The following IL23R variants were observed in gnomAD, a reference collection of about 807,000 sequenced individuals.
IL23R encodes the protein interleukin-23 receptor.
A neutral mutation model predicts 56.9 loss-of-function variants in IL23R; 34 were observed. That is an observed-to-expected ratio of 0.60 (90% confidence interval 0.45 to 0.80). The LOEUF is 0.80. Ranked by LOEUF, IL23R falls within the 30% of genes least tolerant of loss-of-function variation. The pLI is 0.00. For synonymous variants in IL23R, 230 were observed against 249.2 expected (o/e 0.92, Z 0.73); for missense variants, 635 against 730.0 (o/e 0.87, Z 1.50).
intron 4 of IL23R, among the ~76,000 whole-genome samples, chr1:67,188,276 G>A (rs915056075): frequency 6.6e-6 from 1 of 152,118 alleles, no homozygotes; most frequent in Non-Finnish European, 1.5e-5. Flanking sequence ...CCAAGTTCCA[G>A]GCAGGAAAAG....
chr1:67,259,194 T>C lies in IL23R; in HGVS notation c.*66T>C, dbSNP rs1653112340. ...ATCTGAACTTGGGTTTTCCCTGCAA[T>C]AGAAATTGAATTCTGCCTCTTTTTG... On this transcript the variant is annotated 3_prime_UTR_variant, in exon 11 of 11. Transcript: ENST00000347310. 2.7e-6 allele frequency: 4 copies of C among 1,496,000 alleles called. No individual in the cohort carries two copies. Among genetic ancestry groups the C allele is most frequent in the South Asian group, 1.2e-5 (1 of 86,778 alleles). 92.7% of individuals were successfully genotyped at this position (1,496,000 alleles called of 1,614,324 possible).
intron 4 of IL23R, among the ~76,000 whole-genome samples, chr1:67,190,371 T>C (rs1386236956): frequency 1.3e-5 from 2 of 151,238 alleles, no homozygotes; most frequent in South Asian, 4.2e-4. Flanking sequence ...CAGAGCCTCC[T>C]GGCTGTTCAC....
intron 7 of IL23R, among the ~76,000 whole-genome samples, chr1:67,228,013 TCTTTCTTC>T (rs1490126340): frequency 0.014 from 1,535 of 112,464 alleles, 179 homozygotes; most frequent in Admixed American, 0.035. Context: ...TTTCTTTCTT[TCTTTCTTC>T]CTTTCTTTCT....
intron 1 of IL23R, among the ~76,000 whole-genome samples, chr1:67,141,566 T>C (rs1481928759): frequency 3.9e-5 from 6 of 152,056 alleles, no homozygotes; most frequent in Admixed American, 1.3e-4. Flanking sequence ...AAGACCAGCG[T>C]AGGCAACACA....
Position 67,155,825 on chromosome 1 carries a change from C to T in IL23R, c.-633-12267C>T, listed in dbSNP as rs545459974. On this transcript the variant is annotated intron_variant, in intron 1 of 10. Transcript: ENST00000637002. ...CCATCTCATGCTCTGTTCAGTTCTG[C>T]GCCCTTACTGAAAAGGCGTTGTGAT... Among the ~76,000 whole-genome samples the T allele has an allele frequency of 5.9e-5, 9 of 152,316 alleles. No individual in the cohort carries two copies. In the East Asian group the frequency reaches 9.6e-4, roughly 16 times the overall value.
At chr1:67,152,516 C>A (rs958978142) in intron 1 of IL23R, among the ~76,000 whole-genome samples, 9 of 152,290 alleles carry the variant, frequency 5.9e-5, no homozygotes, top group Non-Finnish European at 1.2e-4. Context: ...GAGAGGGCAT[C>A]CTTGTCTTGT....
chr1:67,176,784 C>T (rs184024425), intron 3 of IL23R, among the ~76,000 whole-genome samples: 1 of 152,220 alleles, frequency 6.6e-6, no homozygotes, highest in Non-Finnish European at 1.5e-5. Context: ...ATCCCTCCCC[C>T]CTCCTCCCAC....
chr1:67,191,308 C>T (rs1166079595), intron 4 of IL23R, among the ~76,000 whole-genome samples: 1 of 152,186 alleles, frequency 6.6e-6, no homozygotes, highest in Admixed American at 6.5e-5. Context: ...ATACCACAGC[C>T]TCCCTCATTG....
intron 9 of IL23R, among the ~76,000 whole-genome samples, chr1:67,246,160 C>T (rs1652208201): frequency 6.6e-6 from 1 of 152,076 alleles, no homozygotes; most frequent in African/African-American, 2.4e-5. Flanking sequence ...GGTGATATCT[C>T]CTTTATCATT....
In IL23R at chr1:67,230,082, C is replaced by T. The variant is rs990073348; in HGVS notation, c.956-6631C>T. On this transcript the variant is annotated intron_variant, in intron 7 of 10. Coordinates refer to ENST00000347310, the MANE Select transcript of IL23R (RefSeq NM_144701.3). ...AGTCTGGCGAGGACCCTGCAGCTGA[C>T]GCTGATCACTGCCACTGCCTGCCCT... Among the ~76,000 whole-genome samples the T allele has an allele frequency of 1.2e-4, 19 of 152,234 alleles. No homozygotes were observed. In the East Asian group the frequency reaches 2.3e-3, roughly 19 times the overall value.
At chr1:67,241,252 A>C (rs1651833521) in intron 9 of IL23R, among the ~76,000 whole-genome samples, 1 of 152,224 alleles carries the variant, frequency 6.6e-6, no homozygotes, top group Non-Finnish European at 1.5e-5. Context: ...ACAGTAGAAC[A>C]GTGGGTTCTG....
At chr1:67,189,474 A>G (rs1229908650) in intron 4 of IL23R, among the ~76,000 whole-genome samples, 1 of 152,230 alleles carries the variant, frequency 6.6e-6, no homozygotes, top group East Asian at 1.9e-4. Context: ...GGCCAGATTA[A>G]TGGGATTTTA....
chr1:67,241,505 T>A (rs1033859135), intron 9 of IL23R, among the ~76,000 whole-genome samples: 1 of 152,180 alleles, frequency 6.6e-6, no homozygotes, highest in Admixed American at 6.6e-5. Flanking sequence ...AAAATCCCCC[T>A]TTTTGGTCAG....
At chr1:67,192,523 T>A (rs1477471474) in intron 4 of IL23R, among the ~76,000 whole-genome samples, 1 of 152,196 alleles carries the variant, frequency 6.6e-6, no homozygotes, top group Non-Finnish European at 1.5e-5. Flanking sequence ...CCTCAATGTA[T>A]ATCTGTGTCT....
chr1:67,251,062 G>A (rs576040191), intron 9 of IL23R, among the ~76,000 whole-genome samples: 3 of 152,206 alleles, frequency 2.0e-5, no homozygotes, highest in South Asian at 4.1e-4. Flanking sequence ...GGCCTCTCAT[G>A]TGTGCCTTAA....
chr1:67,216,841 G>C (rs1030141941), intron 6 of IL23R, among the ~76,000 whole-genome samples: 1 of 152,158 alleles, frequency 6.6e-6, no homozygotes, highest in African/African-American at 2.4e-5. Flanking sequence ...CTGAAGGTTG[G>C]TATAAGACAG....
At chr1:67,221,440 TCTC>T (rs71861947) in intron 7 of IL23R, among the ~76,000 whole-genome samples, 9,461 of 152,230 alleles carry the variant, frequency 0.062, 987 homozygotes, top group African/African-American at 0.22. Flanking sequence ...AGAATTCTCT[TCTC>T]CTCAACAGGA....
At chr1:67,257,463 A>C (rs1405520235) in intron 10 of IL23R, among the ~76,000 whole-genome samples, 1 of 152,102 alleles carries the variant, frequency 6.6e-6, no homozygotes, top group African/African-American at 2.4e-5. Flanking sequence ...TCCACTTTCA[A>C]ATAACATCAC....
intron 3 of IL23R, among the ~76,000 whole-genome samples, chr1:67,177,326 GGT>G (rs1647024271): frequency 6.6e-6 from 1 of 152,146 alleles, no homozygotes; most frequent in Non-Finnish European, 1.5e-5. Flanking sequence ...GGTGTGAGAT[GGT>G]ATCTCATTGT....
Sources: allele counts gnomAD v4.1 joint callset (sites outside exome capture counted in the v4.1 genomes callset), GRCh38; gene constraint gnomAD v4.1.1; transcripts MANE v1.5; gene names NCBI Gene and HGNC (gene_info 2026-07-23, HGNC 2026-07-21).